The following SYTL5 variants were observed in gnomAD, a reference collection of about 807,000 sequenced individuals.
The protein encoded by SYTL5 is synaptotagmin-like protein 5.
SYTL5 carries 34 observed loss-of-function variants against 55.9 expected under a neutral mutation model. The observed-to-expected ratio is 0.61, with a 90% confidence interval of 0.46 to 0.81. The LOEUF (loss-of-function observed/expected upper bound fraction) is 0.81, where lower values mean the gene tolerates loss of function less well. SYTL5 is among the 30% of genes least tolerant of loss of function. SYTL5 has a pLI of 0.00. For missense variants in SYTL5, 637 were observed against 546.7 expected (o/e 1.17, Z -1.65); for synonymous variants, 221 against 188.7 (o/e 1.17, Z -1.40).
intron 6 of SYTL5, among the ~76,000 whole-genome samples, chrX:38,083,644 A>G (rs1453054034): frequency 6.3e-5 from 7 of 110,545 alleles, no homozygotes; most frequent in Non-Finnish European, 1.1e-4. Context: ...CTGCTTCCCT[A>G]ATTCTGCTTT....
the SYTL5 span, among the ~76,000 whole-genome samples, chrX:37,915,652 G>A: frequency 8.9e-6 from 1 of 111,753 alleles, no homozygotes; most frequent in East Asian, 2.8e-4. Context: ...TGACAGTCAC[G>A]GGTACTGCTA....
At chrX:37,982,558 A>G in the SYTL5 span, among the ~76,000 whole-genome samples, 2 of 112,340 alleles carry the variant, frequency 1.8e-5, no homozygotes, top group East Asian at 2.8e-4. Flanking sequence ...ATTTTTTCCT[A>G]TCTTCTCTTA....
intron 3 of SYTL5, among the ~76,000 whole-genome samples, chrX:38,058,336 A>T (rs917356906): frequency 9.0e-6 from 1 of 111,132 alleles, no homozygotes; most frequent in Non-Finnish European, 1.9e-5. Flanking sequence ...TGGATTTCTT[A>T]TTTATCCTTT....
At chrX:38,106,179 C>A (rs115544288) in intron 10 of SYTL5, among the ~76,000 whole-genome samples, 1 of 111,829 alleles carries the variant, frequency 8.9e-6, no homozygotes, top group African/African-American at 3.3e-5. Context: ...GATAAGCTAC[C>A]CTTTGTCCCA....
the SYTL5 span, among the ~76,000 whole-genome samples, chrX:37,895,453 C>CTTCCTTCG: frequency 1.1e-5 from 1 of 91,924 alleles, no homozygotes; most frequent in Non-Finnish European, 2.0e-5. Flanking sequence ...TCCTTCCTTC[C>CTTCCTTCG]TTCCCTCCCT....
chrX:37,954,194 G>C, the SYTL5 span, among the ~76,000 whole-genome samples: 1 of 111,819 alleles, frequency 8.9e-6, no homozygotes. Flanking sequence ...AAGGCTAAGA[G>C]GGAGGGCATC....
intron 7 of SYTL5, among the ~76,000 whole-genome samples, chrX:38,090,625 A>G (rs1018564625): frequency 1.8e-5 from 2 of 112,235 alleles, no homozygotes; most frequent in African/African-American, 3.2e-5. Flanking sequence ...GACTCAACCA[A>G]CATTTAATGA....
the SYTL5 span, among the ~76,000 whole-genome samples, chrX:37,891,129 A>G: frequency 1.8e-5 from 2 of 112,467 alleles, no homozygotes; most frequent in Non-Finnish European, 3.8e-5. Flanking sequence ...ACTCCTCAGT[A>G]TATATCCAAG....
chrX:38,005,858 G>A (rs1933975032), upstream of SYTL5, among the ~76,000 whole-genome samples: 1 of 111,543 alleles, frequency 9.0e-6, no homozygotes, highest in African/African-American at 3.3e-5. Flanking sequence ...ACCTGGCTAT[G>A]GTAACATAAA....
intron 1 of SYTL5, among the ~76,000 whole-genome samples, chrX:38,028,112 C>G (rs772647320): frequency 8.9e-6 from 1 of 112,010 alleles, no homozygotes; most frequent in African/African-American, 3.2e-5. Context: ...GCATGAGCCA[C>G]TGCGCCCAGC....
chrX:38,009,268 C>T (rs1245151011), intron 1 of SYTL5, among the ~76,000 whole-genome samples: 2 of 111,932 alleles, frequency 1.8e-5, no homozygotes, highest in African/African-American at 3.2e-5. Context: ...TTTTAAATAT[C>T]ACCTCTAAGT....
chrX:37,889,502 T>C, the SYTL5 span, among the ~76,000 whole-genome samples: 1 of 111,420 alleles, frequency 9.0e-6, no homozygotes, highest in African/African-American at 3.3e-5. Context: ...CTAAAGATAG[T>C]TTTAGATGGT....
the SYTL5 span, among the ~76,000 whole-genome samples, chrX:37,890,634 A>G: frequency 8.9e-6 from 1 of 112,094 alleles, no homozygotes; most frequent in South Asian, 3.7e-4. Context: ...GCCACTGTGA[A>G]GGAAAATTAA....
chrX:38,011,629 G>A (rs1274933340), intron 1 of SYTL5, among the ~76,000 whole-genome samples: 3 of 30,503 alleles, frequency 9.8e-5, no homozygotes, highest in Non-Finnish European at 1.6e-4. Flanking sequence ...GCGAGACTCC[G>A]TCTCAAAAAA....
chrX:37,940,590 G>A, the SYTL5 span, among the ~76,000 whole-genome samples: 2,010 of 76,643 alleles, frequency 0.026, 48 homozygotes, highest in African/African-American at 0.078. Context: ...TTTCAGTTAG[G>A]GATAGGTGTG....
chrX:38,111,619 T>C (rs1937361009), intron 13 of SYTL5, among the ~76,000 whole-genome samples: 1 of 112,195 alleles, frequency 8.9e-6, no homozygotes, highest in Non-Finnish European at 1.9e-5. Context: ...TTCCATGCAG[T>C]GTTGCCCTCC....
chrX:38,068,044 T>G (rs756070859), intron 3 of SYTL5, among the ~76,000 whole-genome samples: 3 of 111,767 alleles, frequency 2.7e-5, no homozygotes, highest in Non-Finnish European at 5.7e-5. Context: ...ATCCAACAAA[T>G]GTTTAATATC....
Position 38,119,197 on chromosome X carries a change from CACATGTGTGT to C in SYTL5, c.1597-1160_1597-1151del, listed in dbSNP as rs1262188202. Among the ~76,000 whole-genome samples, 215 of 110,171 alleles carry C rather than the reference CACATGTGTGT, an allele frequency of 2.0e-3. 1 individual carries two copies. Among genetic ancestry groups the C allele is most frequent in the Admixed American group, 0.019 (198 of 10,260 alleles). The stretch of plus-strand genomic sequence containing the variant: ...GTACTCATTTGTGTGTGTGTGTGTG[CACATGTGTGT>C]GTATATTTCATCCTATGCAATTTTA... On this transcript the variant is annotated intron_variant, in intron 13 of 16. Transcript: ENST00000297875.
chrX:37,991,867 A>C, the SYTL5 span, among the ~76,000 whole-genome samples: 11 of 112,068 alleles, frequency 9.8e-5, no homozygotes, highest in South Asian at 2.3e-3. Context: ...CCTTATTATG[A>C]AAGCGGATTT....
Sources: allele counts gnomAD v4.1 joint callset (sites outside exome capture counted in the v4.1 genomes callset), GRCh38; gene constraint gnomAD v4.1.1; transcripts MANE v1.5; gene names NCBI Gene and HGNC (gene_info 2026-07-23, HGNC 2026-07-21).